The following ZFAT variants were observed in gnomAD, a reference collection of about 807,000 sequenced individuals.
ZFAT encodes the protein zinc finger protein ZFAT.
Under a neutral mutation model 117.7 loss-of-function variants are expected in ZFAT, and 64 were observed. That is an observed-to-expected ratio of 0.54 (90% CI 0.44 to 0.67). The LOEUF is 0.67. Ranked by LOEUF, ZFAT falls within the 30% of genes least tolerant of loss-of-function variation. The pLI, the probability that ZFAT is intolerant of heterozygous loss-of-function variation, is 0.00. For synonymous variants in ZFAT, 679 were observed against 615.0 expected (o/e 1.10, Z -1.54); for missense variants, 1,433 against 1,584.5 (o/e 0.90, Z 1.62).
intron 15 of ZFAT, among the ~76,000 whole-genome samples, chr8:134,483,335 A>T (rs1817448678): frequency 6.6e-6 from 1 of 152,152 alleles, no homozygotes. Context: ...AAAAGCCAGA[A>T]AGTAGCAAAA....
intron 11 of ZFAT, among the ~76,000 whole-genome samples, chr8:134,543,284 T>C (rs1459792751): frequency 1.3e-5 from 2 of 150,472 alleles, no homozygotes; most frequent in Non-Finnish European, 3.0e-5. Flanking sequence ...GCCGGGCACA[T>C]GCAGTTACTG....
At chr8:134,609,410 G>A (rs1243091881) in intron 4 of ZFAT, among the ~76,000 whole-genome samples, 2 of 151,966 alleles carry the variant, frequency 1.3e-5, no homozygotes, top group South Asian at 4.1e-4. Flanking sequence ...TTCTCTTCTG[G>A]GCTTCTTATT....
intron 12 of ZFAT, among the ~76,000 whole-genome samples, chr8:134,522,028 C>T (rs1820702622): frequency 6.6e-6 from 1 of 152,394 alleles, no homozygotes; most frequent in South Asian, 2.1e-4. Flanking sequence ...AGTGCTTCCG[C>T]AGCATCCTGG....
At chr8:134,489,572 C>A (rs1245277493) in intron 15 of ZFAT, among the ~76,000 whole-genome samples, 2 of 152,172 alleles carry the variant, frequency 1.3e-5, no homozygotes, top group Non-Finnish European at 2.9e-5. Context: ...TGTTCTCTCT[C>A]CATCTCTGCC....
At chr8:134,684,670 A>T (rs568851470) in intron 1 of ZFAT, among the ~76,000 whole-genome samples, 59 of 152,208 alleles carry the variant, frequency 3.9e-4, no homozygotes, top group Non-Finnish European at 7.9e-4. Context: ...TGATAAAATG[A>T]CCCAAAAAAT....
chr8:134,652,995 A>G (rs140077994), intron 2 of ZFAT, among the ~76,000 whole-genome samples: 1,701 of 152,220 alleles, frequency 0.011, 33 homozygotes, highest in African/African-American at 0.039. Context: ...ATAGCACAAA[A>G]TTAGAGAGAA....
intron 5 of ZFAT, among the ~76,000 whole-genome samples, chr8:134,608,262 C>A (rs1313510849): frequency 6.6e-6 from 1 of 152,160 alleles, no homozygotes; most frequent in African/African-American, 2.4e-5. Context: ...AACTAAACTA[C>A]CTCCAGAAAC....
the ZFAT span, among the ~76,000 whole-genome samples, chr8:134,724,806 G>A: frequency 4.6e-5 from 7 of 152,118 alleles, no homozygotes; most frequent in African/African-American, 1.4e-4. Flanking sequence ...TCCCCTTACA[G>A]AGTCAAGATT....
At chr8:134,625,380 G>A (rs17771094) in intron 3 of ZFAT, among the ~76,000 whole-genome samples, 25,577 of 152,182 alleles carry the variant, frequency 0.17, 2,398 homozygotes, top group Non-Finnish European at 0.22. Flanking sequence ...CATCACGAGA[G>A]AAATGCCTAT....
chr8:134,768,493 T>C, the ZFAT span, among the ~76,000 whole-genome samples: 1 of 152,192 alleles, frequency 6.6e-6, no homozygotes, highest in Non-Finnish European at 1.5e-5. Flanking sequence ...AGAGGTTTAA[T>C]GGACTTACAG....
chr8:134,819,016 T>C, the ZFAT span, among the ~76,000 whole-genome samples: 1 of 152,322 alleles, frequency 6.6e-6, no homozygotes, highest in East Asian at 1.9e-4. Context: ...ACGTCAAAAC[T>C]TAACAAACTG....
chr8:134,564,947 C>A (rs542756960), intron 11 of ZFAT: 2 of 1,212,512 alleles, frequency 1.6e-6, no homozygotes, highest in Non-Finnish European at 2.1e-6. Context: ...AACTGCTTGC[C>A]GGGTGGGCTT....
At chr8:134,650,462 T>A (rs1372442658) in intron 2 of ZFAT, among the ~76,000 whole-genome samples, 1 of 152,186 alleles carries the variant, frequency 6.6e-6, no homozygotes, top group Non-Finnish European at 1.5e-5. Flanking sequence ...CAGTCTCAGG[T>A]ATTTCTTCAC....
rs369203775 is a variant in ZFAT at position 134,601,932 on chromosome 8, T to C, written c.1787A>G (p.Asp596Gly). 1 of 1,613,934 alleles carries C rather than the reference T, an allele frequency of 6.2e-7. No individual in the cohort carries two copies. Among genetic ancestry groups the C allele is most frequent in the African/African-American group, 1.3e-5 (1 of 74,928 alleles). ...GGAGGTATCATTTTTCAACAAAAAA[T>C]CATCTGAAACCACCTCTTGAGAATG... ...DLHSQEVVSD[D>G]FLLKNDTSSA... Residue 596 changes from aspartate to glycine, a missense_variant, in exon 6 of 16, where the codon GAT becomes GGT. Asp to Gly is a moderately conservative substitution (Grantham distance 94). This residue lies in a region of ZFAT where 372 missense variants were observed against 355.6 expected (regional missense o/e 1.05). Transcript: ENST00000377838.
chr8:134,761,495 A>G, the ZFAT span, among the ~76,000 whole-genome samples: 1 of 151,432 alleles, frequency 6.6e-6, no homozygotes, highest in Non-Finnish European at 1.5e-5. Context: ...AGATCAAGAG[A>G]TCGAGATCAT....
chr8:134,634,357 A>G (rs1180705622), intron 3 of ZFAT, among the ~76,000 whole-genome samples: 3 of 152,228 alleles, frequency 2.0e-5, no homozygotes, highest in Non-Finnish European at 4.4e-5. Flanking sequence ...CCAGGCAGTG[A>G]AATTTTGGAA....
At chr8:134,753,232 C>CCAA in the ZFAT span, among the ~76,000 whole-genome samples, 35 of 149,868 alleles carry the variant, frequency 2.3e-4, no homozygotes, top group African/African-American at 4.9e-4. Flanking sequence ...AACGAACCAA[C>CCAA]CAACAACAAC....
At chr8:134,756,028 T>C in the ZFAT span, among the ~76,000 whole-genome samples, 1 of 152,122 alleles carries the variant, frequency 6.6e-6, no homozygotes, top group Non-Finnish European at 1.5e-5. Flanking sequence ...ATTCCATCTC[T>C]TTTTTCTTCA....
At position 134,654,938 on chromosome 8, in the gene ZFAT, G is replaced by A. The variant is rs1831500424; in HGVS notation, c.196+2623C>T. 5.3e-5 allele frequency among the ~76,000 whole-genome samples: 8 copies of A among 152,330 alleles called. No individual in the cohort carries two copies. In the South Asian group the frequency reaches 1.7e-3, roughly 32 times the overall value. ...AAACAAGTCTAGTTGTGGGGTTCTGGGAGCCCAGAGAAAGGTCCTGCAGCC... is the reference window on the plus strand; with the variant it reads ...AAACAAGTCTAGTTGTGGGGTTCTGAGAGCCCAGAGAAAGGTCCTGCAGCC... On this transcript the variant is annotated intron_variant, in intron 2 of 15. Transcript: ENST00000377838.
Sources: allele counts gnomAD v4.1 joint callset (sites outside exome capture counted in the v4.1 genomes callset), GRCh38; gene constraint gnomAD v4.1.1; regional missense constraint gnomAD v4.1.1; transcripts MANE v1.5; gene names NCBI Gene and HGNC (gene_info 2026-07-23, HGNC 2026-07-21).